The following DHRSX variants were observed in gnomAD, a reference collection of about 807,000 sequenced individuals.
The protein encoded by DHRSX is polyprenol dehydrogenase.
In DHRSX, 31 loss-of-function variants were observed where a neutral mutation model predicts 34.0. The observed-to-expected ratio is 0.91, with a 90% confidence interval of 0.69 to 1.23. The LOEUF is 1.23. DHRSX is among the 50% of genes most tolerant of loss of function. The pLI is 0.00. For synonymous variants in DHRSX, 201 were observed against 183.8 expected, an observed-to-expected ratio of 1.09 and a Z score of -0.76; for missense variants, 414 against 428.1, an observed-to-expected ratio of 0.97 and a Z score of 0.29.
At chrX:2,312,700 GAAGTTA>G (rs1039067007) in intron 3 of DHRSX, among the ~76,000 whole-genome samples, 3 of 151,896 alleles carry the variant, frequency 2.0e-5, no homozygotes, top group African/African-American at 7.3e-5. Context: ...ATGTACCCCA[GAAGTTA>G]AAGTATAATT....
intron 3 of DHRSX, among the ~76,000 whole-genome samples, chrX:2,299,684 G>T (rs910152077): frequency 6.6e-6 from 1 of 151,870 alleles, no homozygotes; most frequent in African/African-American, 2.4e-5. Context: ...GTGAAATCCG[G>T]TCTCTACTAA....
At chrX:2,423,739 C>T (rs1466222873) in intron 2 of DHRSX, among the ~76,000 whole-genome samples, 1 of 152,146 alleles carries the variant, frequency 6.6e-6, no homozygotes, top group African/African-American at 2.4e-5. Flanking sequence ...CCCTCCTCCC[C>T]GCCCCCCACT....
intron 2 of DHRSX, among the ~76,000 whole-genome samples, chrX:2,419,355 C>G: frequency 6.6e-6 from 1 of 152,260 alleles, no homozygotes; most frequent in Non-Finnish European, 1.5e-5. Flanking sequence ...GGACTTCCAG[C>G]CTTGAGAACT....
intron 3 of DHRSX, among the ~76,000 whole-genome samples, chrX:2,324,826 T>G (rs1486518470): frequency 6.7e-6 from 1 of 150,086 alleles, no homozygotes; most frequent in African/African-American, 2.5e-5. Context: ...TGGAGTGTAG[T>G]GGCGTGATGT....
At chrX:2,369,760 T>C (rs2043035591) in intron 3 of DHRSX, among the ~76,000 whole-genome samples, 1 of 152,102 alleles carries the variant, frequency 6.6e-6, no homozygotes. Flanking sequence ...CACTTCGGCC[T>C]CCCCAAGTGC....
intron 1 of DHRSX, among the ~76,000 whole-genome samples, chrX:2,474,889 G>A (rs180801728): frequency 1.1e-4 from 17 of 150,880 alleles, no homozygotes; most frequent in Non-Finnish European, 7.4e-5. Flanking sequence ...CTAAGAATGC[G>A]GCCAAGGGAC....
At chrX:2,228,426 AGGAAGGGAGGGAGGGAGGGAG>A (rs2015778938) in intron 6 of DHRSX, among the ~76,000 whole-genome samples, 2 of 4,168 alleles carry the variant, frequency 4.8e-4, no homozygotes, top group Non-Finnish European at 6.5e-4. Flanking sequence ...GGAGGGAGGA[AGGAAGGGAGGGAGGGAGGGAG>A]GGAAGGGAGG....
At chrX:2,324,443 G>T (rs2042351916) in intron 3 of DHRSX, among the ~76,000 whole-genome samples, 1 of 152,216 alleles carries the variant, frequency 6.6e-6, no homozygotes, top group East Asian at 1.9e-4. Context: ...ATTTTTCTAA[G>T]AAACACTAAA....
chrX:2,260,534 A>G (rs1480834319), intron 5 of DHRSX, among the ~76,000 whole-genome samples: 1 of 149,934 alleles, frequency 6.7e-6, no homozygotes, highest in Non-Finnish European at 1.5e-5. Context: ...ATCTCAGCTC[A>G]CTGCAACCTC....
intron 3 of DHRSX, among the ~76,000 whole-genome samples, chrX:2,382,298 T>C (rs2043211937): frequency 6.6e-6 from 1 of 151,946 alleles, no homozygotes; most frequent in South Asian, 2.1e-4. Flanking sequence ...TTGGCCAACC[T>C]ACCCACCAGA....
At position 2,355,092 on chromosome X, in the gene DHRSX, T is replaced by G. The variant is rs1415883079; in HGVS notation, c.286+53653A>C. On this transcript the variant is annotated intron_variant, in intron 3 of 6. Transcript: ENST00000334651. ...CACTAATCCTTCACTATCTCAATTA[T>G]AGCAAGAAATAGGTTGGAAGGAAAA... Among the ~76,000 whole-genome samples, 7 of 152,222 alleles carry G rather than the reference T, an allele frequency of 4.6e-5. No homozygotes were observed. In the East Asian group the frequency reaches 1.4e-3, roughly 29 times the overall value.
intron 1 of DHRSX, among the ~76,000 whole-genome samples, chrX:2,467,184 A>C (rs2044509794): frequency 6.6e-6 from 1 of 152,132 alleles, no homozygotes; most frequent in African/African-American, 2.4e-5. Context: ...GGGATTTCCA[A>C]AGGCAGGACT....
chrX:2,326,846 TTGTTGCCCAAGC>T (rs2042393116), intron 3 of DHRSX, among the ~76,000 whole-genome samples: 1 of 151,728 alleles, frequency 6.6e-6, no homozygotes, highest in Admixed American at 6.6e-5. Flanking sequence ...ATTTTCACTC[TTGTTGCCCAAGC>T]TGGAGTATAA....
intron 1 of DHRSX, among the ~76,000 whole-genome samples, chrX:2,472,351 AG>A (rs1415474500): frequency 6.6e-6 from 1 of 152,080 alleles, no homozygotes; most frequent in Non-Finnish European, 1.5e-5. Context: ...GACAAATGAG[AG>A]GATCAAAAAA....
intron 1 of DHRSX, among the ~76,000 whole-genome samples, chrX:2,477,356 G>A (rs186379089): frequency 4.3e-4 from 66 of 152,330 alleles, no homozygotes; most frequent in African/African-American, 1.5e-3. Context: ...ACGTGGCACA[G>A]TCAGCTCGCC....
intron 1 of DHRSX, among the ~76,000 whole-genome samples, chrX:2,459,587 C>G (rs2044373464): frequency 6.9e-6 from 1 of 144,196 alleles, no homozygotes. Context: ...TATACACACA[C>G]ATACAATATA....
intron 1 of DHRSX, among the ~76,000 whole-genome samples, chrX:2,455,070 C>T (rs1268031677): frequency 6.7e-6 from 1 of 148,164 alleles, no homozygotes; most frequent in Non-Finnish European, 1.5e-5. Flanking sequence ...CAAGATCACA[C>T]AATTGAACTC....
Position 2,409,441 on chromosome X carries a change from A to T in DHRSX, c.218-628T>A, listed in dbSNP as rs1473705543. Among the ~76,000 whole-genome samples the T allele has an allele frequency of 2.0e-5, 3 of 152,022 alleles. No individual in the cohort carries two copies. In the East Asian group the frequency reaches 5.8e-4, roughly 29 times the overall value. On this transcript the variant is annotated intron_variant, in intron 2 of 6. Transcript: ENST00000334651. ...CCTGCCCTGCCCCCTCAACCCCTCG[A>T]CAGGCCCTGGTGTGGGATGTTCCCC...
intron 1 of DHRSX, among the ~76,000 whole-genome samples, chrX:2,452,314 A>C (rs1477604412): frequency 2.0e-5 from 3 of 151,788 alleles, no homozygotes; most frequent in East Asian, 3.9e-4. Context: ...ACGTTCCCTA[A>C]GAATGCAGCC....
Sources: gnomAD v4.1 joint callset for allele counts (sites outside exome capture counted in the v4.1 genomes callset) on GRCh38, gnomAD v4.1.1 for gene constraint, MANE v1.5 for transcripts, NCBI Gene and HGNC (gene_info 2026-07-23, HGNC 2026-07-21) for gene names.